The following LHFPL3 variants were observed in gnomAD, a reference collection of about 807,000 sequenced individuals.
LHFPL3 encodes LHFPL tetraspan subfamily member 3.
In LHFPL3, 5 loss-of-function variants were observed where a neutral mutation model predicts 19.3. That is an observed-to-expected ratio of 0.26 (90% CI 0.14 to 0.54). The LOEUF is 0.54. Among genes scored for constraint, LHFPL3 ranks in the 20% least tolerant of loss-of-function variants. The pLI is 0.94. For missense variants in LHFPL3, 249 were observed against 307.4 expected (o/e 0.81, Z 1.42); for synonymous variants, 133 against 126.2 (o/e 1.05, Z -0.36).
rs75415100 is a variant in LHFPL3, at chr7:104,418,605, A to G, written c.445+89381A>G. Reference sequence around the variant, plus strand: ...GTGAAAGAAATGAGAAAATTTGCTGAGAACTGTGATACAGTGTGGTAAGTT... The same window carrying G: ...GTGAAAGAAATGAGAAAATTTGCTGGGAACTGTGATACAGTGTGGTAAGTT... On this transcript the variant is annotated intron_variant, in intron 1 of 2. Coordinates refer to ENST00000424859, the MANE Select transcript of LHFPL3 (RefSeq NM_199000.3). 7.8e-3 allele frequency among the ~76,000 whole-genome samples: 1,188 copies of G among 152,298 alleles called. 11 individuals are homozygous for G. Among genetic ancestry groups the G allele is most frequent in the African/African-American group, 0.027 (1,113 of 41,570 alleles).
chr7:104,387,884 T>C (rs1391816201), intron 1 of LHFPL3, among the ~76,000 whole-genome samples: 1 of 152,178 alleles, frequency 6.6e-6, no homozygotes, highest in Non-Finnish European at 1.5e-5. Flanking sequence ...GATTATTTCA[T>C]CACCCAGCTA....
At chr7:104,430,385 T>C (rs1440691968) in intron 1 of LHFPL3, among the ~76,000 whole-genome samples, 5 of 43,344 alleles carry the variant, frequency 1.2e-4, no homozygotes, top group African/African-American at 5.6e-4. Flanking sequence ...TATATATACA[T>C]ATATATATAT....
At position 104,425,662 on chromosome 7, in the gene LHFPL3, C is replaced by T. The variant is rs1350620312; in HGVS notation, c.445+96438C>T. ...AGCTTTCCTCTTAGCTCTACTGTTA[C>T]ATCTTTTGGTGGTTAATTATAATGC... On this transcript the variant is annotated intron_variant, in intron 1 of 2. Coordinates refer to ENST00000424859, the MANE Select transcript of LHFPL3 (RefSeq NM_199000.3). 2.0e-5 allele frequency among the ~76,000 whole-genome samples: 3 copies of T among 152,166 alleles called. No individual in the cohort carries two copies. In the East Asian group the frequency reaches 5.8e-4, roughly 29 times the overall value.
chr7:104,581,852 C>T (rs1790467693), intron 1 of LHFPL3, among the ~76,000 whole-genome samples: 1 of 151,922 alleles, frequency 6.6e-6, no homozygotes, highest in Non-Finnish European at 1.5e-5. Flanking sequence ...TTTGTCTATT[C>T]TTACGCCATT....
intron 1 of LHFPL3, among the ~76,000 whole-genome samples, chr7:104,571,447 G>A (rs955914386): frequency 6.6e-6 from 1 of 152,094 alleles, no homozygotes; most frequent in Admixed American, 6.5e-5. Context: ...CTGTTTAGAA[G>A]GAGCCTTAAC....
At chr7:104,417,497 C>T (rs1219455043) in intron 1 of LHFPL3, among the ~76,000 whole-genome samples, 1 of 152,132 alleles carries the variant, frequency 6.6e-6, no homozygotes. Context: ...TATTTTTCTA[C>T]ATGTAGTTTA....
chr7:104,700,301 G>T (rs917448647), intron 1 of LHFPL3, among the ~76,000 whole-genome samples: 3 of 152,098 alleles, frequency 2.0e-5, no homozygotes, highest in African/African-American at 7.2e-5. Flanking sequence ...TAGCCTACCT[G>T]AAGTTTCCTT....
chr7:104,355,586 T>C (rs1057318234), intron 1 of LHFPL3, among the ~76,000 whole-genome samples: 1 of 152,260 alleles, frequency 6.6e-6, no homozygotes, highest in Admixed American at 6.5e-5. Flanking sequence ...TTAGTATGTC[T>C]GTTAAACTAT....
chr7:104,512,591 C>T (rs1364345848), intron 1 of LHFPL3, among the ~76,000 whole-genome samples: 1 of 152,004 alleles, frequency 6.6e-6, no homozygotes, highest in African/African-American at 2.4e-5. Flanking sequence ...CAAAAATTAG[C>T]CAGGCGTGGT....
Position 104,773,752 on chromosome 7 carries a change from C to T in LHFPL3, c.682+36841C>T, listed in dbSNP as rs114258546. 7.8e-3 allele frequency among the ~76,000 whole-genome samples: 1,184 copies of T among 152,276 alleles called. 10 individuals carry two copies. Among genetic ancestry groups the T allele is most frequent in the African/African-American group, 0.027 (1,132 of 41,554 alleles). On this transcript the variant is annotated intron_variant, in intron 2 of 2. Coordinates refer to ENST00000424859, the MANE Select transcript of LHFPL3 (RefSeq NM_199000.3). ...GCCATGTGAAGATGAAGGTGGAGAT[C>T]GGGCGACACATCCACAAGCTAAGGA...
At chr7:104,517,146 G>A (rs1793935539) in intron 1 of LHFPL3, among the ~76,000 whole-genome samples, 1 of 152,122 alleles carries the variant, frequency 6.6e-6, no homozygotes, top group African/African-American at 2.4e-5. Flanking sequence ...CTATCGGAGG[G>A]TGGAGGGTGG....
intron 2 of LHFPL3, among the ~76,000 whole-genome samples, chr7:104,813,152 A>G (rs951058462): frequency 1.1e-4 from 16 of 151,904 alleles, no homozygotes; most frequent in Non-Finnish European, 1.9e-4. Context: ...AGAGTGCACA[A>G]CTGTGGTGCC....
chr7:104,874,426 G>A (rs978610439), intron 2 of LHFPL3, among the ~76,000 whole-genome samples: 13 of 142,136 alleles, frequency 9.1e-5, no homozygotes, highest in African/African-American at 2.7e-4. Flanking sequence ...ACAGAGTCTC[G>A]TTCTGTCACC....
chr7:104,571,724 C>T (rs1416469412), intron 1 of LHFPL3, among the ~76,000 whole-genome samples: 1 of 152,144 alleles, frequency 6.6e-6, no homozygotes, highest in African/African-American at 2.4e-5. Context: ...TTTTTCTCCC[C>T]TGCCCTTGCA....
rs1011791431 is a variant in LHFPL3, at chr7:104,831,526, G to T, written c.683-74661G>T. 6.6e-5 allele frequency among the ~76,000 whole-genome samples: 10 copies of T among 151,664 alleles called. 1 individual carries two copies. The highest frequency in any genetic ancestry group is 2.4e-4 in the African/African-American group (10 of 41,084). On this transcript the variant is annotated intron_variant, in intron 2 of 2. Transcript: ENST00000424859. ...GAAAACAGAGTTGCTCATTTCCATG[G>T]TGGGCCTGCAGCCCCCTCTCCTCCA...
At chr7:104,827,369 A>G (rs1237884047) in intron 2 of LHFPL3, among the ~76,000 whole-genome samples, 2 of 152,052 alleles carry the variant, frequency 1.3e-5, no homozygotes, top group African/African-American at 4.8e-5. Flanking sequence ...AATTCAGTCT[A>G]CTGATTTGGT....
rs546049809 is a variant in LHFPL3 at position 104,466,883 on chromosome 7, T to C, written c.445+137659T>C. On this transcript the variant is annotated intron_variant, in intron 1 of 2. Transcript: ENST00000424859. ...GTTCTGATTTCCATGCTTTTCTTTC[T>C]GAAGAATCATATTTCTGACATGTTC... Among the ~76,000 whole-genome samples, 83 of 152,340 alleles carry C rather than the reference T, an allele frequency of 5.4e-4. 3 individuals carry two copies. Among genetic ancestry groups the C allele is most frequent in the Middle Eastern group, 3.4e-3 (1 of 294 alleles).
intron 1 of LHFPL3, among the ~76,000 whole-genome samples, chr7:104,539,583 T>A (rs1794448451): frequency 6.6e-6 from 1 of 152,052 alleles, no homozygotes; most frequent in African/African-American, 2.4e-5. Context: ...TGGGTTCAGG[T>A]CAAGGAAGAA....
intron 1 of LHFPL3, among the ~76,000 whole-genome samples, chr7:104,330,072 C>A (rs1801541514): frequency 6.6e-6 from 1 of 152,140 alleles, no homozygotes; most frequent in South Asian, 2.1e-4. Context: ...TATGAAAGTA[C>A]TTTTTTTCTG....
Sources: gnomAD v4.1 joint callset for allele counts (sites outside exome capture counted in the v4.1 genomes callset) on GRCh38, gnomAD v4.1.1 for gene constraint, MANE v1.5 for transcripts, NCBI Gene and HGNC (gene_info 2026-07-23, HGNC 2026-07-21) for gene names.